The following PCDHGC4 variants were observed in gnomAD, a reference collection of about 807,000 sequenced individuals.
PCDHGC4 encodes protocadherin gamma subfamily C, 4, also known as protocadherin gamma-C4.
In PCDHGC4, 15 loss-of-function variants were observed where a neutral mutation model predicts 59.7. The observed-to-expected ratio is 0.25, with a 90% CI of 0.17 to 0.39. The LOEUF is 0.39. Among genes scored for constraint, PCDHGC4 ranks in the 10% least tolerant of loss-of-function variants. The pLI is 1.00. For synonymous variants in PCDHGC4, 434 were observed against 481.4 expected (o/e 0.90, Z 1.29); for missense variants, 1,016 against 1,189.5 (o/e 0.85, Z 2.15).
intron 1 of PCDHGC4, among the ~76,000 whole-genome samples, chr5:141,492,221 G>C (rs62379206): frequency 0.18 from 27,189 of 152,134 alleles, 2,633 homozygotes; most frequent in Admixed American, 0.28. Context: ...GGGCTCATGC[G>C]TGTCCTCCCT....
At chr5:141,500,086 A>G (rs1456179271) in intron 2 of PCDHGC4, among the ~76,000 whole-genome samples, 1 of 151,682 alleles carries the variant, frequency 6.6e-6, no homozygotes, top group Non-Finnish European at 1.5e-5. Flanking sequence ...TCCATCTTCC[A>G]TTTTTGCAAT....
Position 141,486,282 on chromosome 5 carries a change from C to G in PCDHGC4, c.1109C>G (p.Ala370Gly). Residue 370 changes from alanine to glycine, a missense_variant, in exon 1 of 4, where the codon GCA becomes GGA. By Grantham distance (60) the Ala-to-Gly change is moderately conservative (BLOSUM62 0). Transcript: ENST00000306593. This position sits in a 1 kb window ranked among gnomAD's most constrained non-coding sequence, Gnocchi z 5.0. ...PESAEPGTVV[A>G]LISVQDPDSG... ...AGTGCAGAACCTGGCACTGTGGTGG[C>G]ACTTATCAGTGTGCAGGATCCAGAC... The G allele has an allele frequency of 1.2e-6, 2 of 1,614,052 alleles. No homozygotes were observed. The highest frequency in any genetic ancestry group is 1.7e-6 in the Non-Finnish European group (2 of 1,179,992).
rs2233605 is a variant in PCDHGC4 at position 141,490,412 on chromosome 5, C to A, written c.2442+2797C>A. ...GGTGAAGTGAGCCTTGATATCTCTC[C>A]GGACCTGCCATTTCAGATTAAGCCT... On this transcript the variant is annotated intron_variant, in intron 1 of 3. Transcript: ENST00000306593. This position sits in a 1 kb window ranked among gnomAD's most constrained non-coding sequence, Gnocchi z 5.4. 1.3e-4 allele frequency: 203 copies of A among 1,614,064 alleles called. 1 individual carries two copies. The highest frequency in any genetic ancestry group is 3.5e-4 in the South Asian group (32 of 91,086).
At position 141,499,673 on chromosome 5, in the gene PCDHGC4, C is replaced by A. The variant is rs1193484216; in HGVS notation, c.2501+4808C>A. Among the ~76,000 whole-genome samples the A allele has an allele frequency of 2.7e-5, 4 of 150,550 alleles. No individual in the cohort carries two copies. In the East Asian group the frequency reaches 7.8e-4, roughly 29 times the overall value. On this transcript the variant is annotated intron_variant, in intron 2 of 3. Transcript: ENST00000306593. ...CATATAATTTCATCTTGGTCTCCACCATCTTTAACAGATGACTTTTTTTTT... is the reference window on the plus strand; with the variant it reads ...CATATAATTTCATCTTGGTCTCCACAATCTTTAACAGATGACTTTTTTTTT...
At chr5:141,498,089 A>G (rs1402239680) in intron 2 of PCDHGC4, among the ~76,000 whole-genome samples, 3 of 152,370 alleles carry the variant, frequency 2.0e-5, no homozygotes, top group South Asian at 2.1e-4. Context: ...GTAGAATTGT[A>G]TCTGGTGGTG....
intron 2 of PCDHGC4, among the ~76,000 whole-genome samples, chr5:141,503,088 C>T (rs1003234288): frequency 4.0e-5 from 6 of 151,864 alleles, no homozygotes; most frequent in Admixed American, 1.3e-4. Context: ...CTCCTGACCT[C>T]GTGGTCTGCC....
Position 141,490,008 on chromosome 5 carries a change from C to T in PCDHGC4, c.2442+2393C>T. 6.2e-7 allele frequency: 1 copy of T among 1,614,230 alleles called. No homozygotes were observed. ...GTGTGGGAATCCCAGAGAATGCACC[C>T]ATTGGTACTCTGCTGCTCCGCCTCA... On this transcript the variant is annotated intron_variant, in intron 1 of 3. Transcript: ENST00000306593. This position sits in a 1 kb window ranked among gnomAD's most constrained non-coding sequence, Gnocchi z 5.4.
Position 141,490,732 on chromosome 5 carries a change from G to A in PCDHGC4, c.2442+3117G>A, listed in dbSNP as rs775388969. 6.2e-6 allele frequency: 10 copies of A among 1,614,188 alleles called. No homozygotes were observed. The highest frequency in any genetic ancestry group is 8.5e-6 in the Non-Finnish European group (10 of 1,180,042). ...CACCTACTCCATTGTAGGAAATCAG[G>A]TTCAGGGAGCCCCAGCCTCCTCCTT... On this transcript the variant is annotated intron_variant, in intron 1 of 3. Transcript: ENST00000306593. This position sits in a 1 kb window ranked among gnomAD's most constrained non-coding sequence, Gnocchi z 5.4.
Position 141,512,836 on chromosome 5 carries a change from T to G in PCDHGC4, c.*1663T>G, listed in dbSNP as rs1024777792. On this transcript the variant is annotated 3_prime_UTR_variant, in exon 4 of 4. Transcript: ENST00000306593. ...GGCGACCCCCTCCCCCGTACTGACTTCTCCTATAAGCGCTTCTCTTCGCAT... is the reference window on the plus strand; with the variant it reads ...GGCGACCCCCTCCCCCGTACTGACTGCTCCTATAAGCGCTTCTCTTCGCAT... 2 of 152,222 alleles carry G rather than the reference T, an allele frequency of 1.3e-5. No homozygotes were observed. Among genetic ancestry groups the G allele is most frequent in the African/African-American group, 4.8e-5 (2 of 41,412 alleles). The allele number at this position is 152,222 out of a possible 1,614,324, so 9.4% of individuals were successfully genotyped here. A position where few individuals can be genotyped will look rare whatever the true frequency, so the allele number is the denominator to read the frequency against.
Position 141,512,160 on chromosome 5 carries a change from G to A in PCDHGC4, c.*987G>A, listed in dbSNP as rs1227447365. On this transcript the variant is annotated 3_prime_UTR_variant, in exon 4 of 4. Coordinates refer to ENST00000306593, the MANE Select transcript of PCDHGC4 (RefSeq NM_018928.3). ...CAGCCAGCTTTGGGCTGAGCTAACA[G>A]GACCAATGGATTAAACTGGCATTTC... 1 of 152,730 alleles carries A rather than the reference G, an allele frequency of 6.5e-6. No individual in the cohort carries two copies. Among genetic ancestry groups the A allele is most frequent in the African/African-American group, 2.4e-5 (1 of 41,456 alleles). The allele number at this position is 152,730 out of a possible 1,614,324, so 9.5% of individuals were successfully genotyped here.
Position 141,491,902 on chromosome 5 carries a change from G to C in PCDHGC4, c.2443-2905G>C. On this transcript the variant is annotated intron_variant, in intron 1 of 3. Transcript: ENST00000306593. This position sits in a 1 kb window ranked among gnomAD's most constrained non-coding sequence, Gnocchi z 6.9. ...AGGGATGGGGCTCCGAGCACCGGGG[G>C]TGGTGGCGACTGTGGGCGAGGGGAG... 7.0e-7 allele frequency: 1 copy of C among 1,429,002 alleles called. No individual in the cohort carries two copies. Among genetic ancestry groups the C allele is most frequent in the Non-Finnish European group, 9.3e-7 (1 of 1,079,426 alleles). The allele number at this position is 1,429,002 out of a possible 1,614,324, so 88.5% of individuals were successfully genotyped here. A position where few individuals can be genotyped will look rare whatever the true frequency, so the allele number is the denominator to read the frequency against.
intron 1 of PCDHGC4, among the ~76,000 whole-genome samples, chr5:141,488,497 C>CA (rs1415483796): frequency 4.6e-5 from 7 of 152,204 alleles, no homozygotes; most frequent in African/African-American, 1.7e-4. Flanking sequence ...CTGTAACACT[C>CA]ATTCCACATT....
At position 141,511,227 on chromosome 5, in the gene PCDHGC4, TCTC is replaced by T. The variant is rs2099883680; in HGVS notation, c.*57_*59del. 2 of 1,599,470 alleles carry T rather than the reference TCTC, an allele frequency of 1.3e-6. No homozygotes were observed. Among genetic ancestry groups the T allele is most frequent in the Non-Finnish European group, 1.7e-6 (2 of 1,173,054 alleles). ...CGGCCTCTCCCCAACCAGCCCAGCTTCTCCTTACCTGCACCCAGGCCTCAGAGT... is the reference window on the plus strand; with the variant it reads ...CGGCCTCTCCCCAACCAGCCCAGCTTCTTACCTGCACCCAGGCCTCAGAGT... On this transcript the variant is annotated 3_prime_UTR_variant, in exon 4 of 4. Transcript: ENST00000306593.
chr5:141,500,444 C>T (rs1032064705), intron 2 of PCDHGC4, among the ~76,000 whole-genome samples: 3 of 151,370 alleles, frequency 2.0e-5, no homozygotes, highest in African/African-American at 4.9e-5. Context: ...CTCCTGACCT[C>T]GTGATCCGCC....
chr5:141,485,745 T>C lies in PCDHGC4; in HGVS notation c.572T>C (p.Val191Ala). 3 of 1,614,146 alleles carry C rather than the reference T, an allele frequency of 1.9e-6. No individual in the cohort carries two copies. Among genetic ancestry groups the C allele is most frequent in the Non-Finnish European group, 2.5e-6 (3 of 1,179,986 alleles). ...DVKKRSDGSL[V>A]PELLLEKPLD... ...AAGAAGCGCAGCGACGGCAGCCTGGTCCCAGAGCTGCTCCTGGAGAAGCCT... is the reference window on the plus strand; with the variant it reads ...AAGAAGCGCAGCGACGGCAGCCTGGCCCCAGAGCTGCTCCTGGAGAAGCCT... The change falls in exon 1 of 4, where the codon GTC becomes GCC. Residue 191 changes from valine to alanine, a missense_variant. Physicochemically the swap from Val to Ala is moderately conservative, Grantham distance 64. Transcript: ENST00000306593. This position sits in a 1 kb window ranked among gnomAD's most constrained non-coding sequence, Gnocchi z 5.7.
Position 141,487,424 on chromosome 5 carries a change from C to T in PCDHGC4, c.2251C>T (p.Arg751Ter), listed in dbSNP as rs759893122. 5 of 1,613,982 alleles carry T rather than the reference C, an allele frequency of 3.1e-6. No individual in the cohort carries two copies. The highest frequency in any genetic ancestry group is 1.7e-5 in the Admixed American group (1 of 60,000). Residue 751 changes from arginine (R) to a stop codon, truncating the protein, a stop_gained, in exon 1 of 4, where the codon CGA becomes TGA. Transcript: ENST00000306593. LOFTEE classifies it high-confidence loss of function. The surrounding 1 kb of genome is among the most constrained non-coding windows in gnomAD (Gnocchi z 5.0). Reference protein sequence around the residue: ...EGLPPSNGILRIQLGSDDPIK... With the variant: ...EGLPPSNGIL ...GCTTCCCCCTTCCAATGGGATCCTC[C>T]GAATCCAGCTAGGGTCAGATGACCC...
At position 141,487,736 on chromosome 5, in the gene PCDHGC4, G is replaced by C; in HGVS notation, c.2442+121G>C. On this transcript the variant is annotated intron_variant, in intron 1 of 3. Transcript: ENST00000306593. The surrounding 1 kb of genome is among the most constrained non-coding windows in gnomAD (Gnocchi z 5.0). Reference sequence around the variant, plus strand: ...TGCCCATAGTGATGTCACCATTTTTGTAAGAGGTAACTATGTGGTAGACGC... The same window carrying C: ...TGCCCATAGTGATGTCACCATTTTTCTAAGAGGTAACTATGTGGTAGACGC... 1 of 1,563,758 alleles carries C rather than the reference G, an allele frequency of 6.4e-7. No homozygotes were observed.
rs767330174 is a variant in PCDHGC4, at chr5:141,491,818, C to T, written c.2443-2989C>T. The T allele has an allele frequency of 1.6e-5, 24 of 1,481,560 alleles. No homozygotes were observed. The highest frequency in any genetic ancestry group is 1.9e-5 in the Non-Finnish European group (21 of 1,116,446). 91.8% of individuals were successfully genotyped at this position (1,481,560 alleles called of 1,614,324 possible). A position where few individuals can be genotyped will look rare whatever the true frequency, so the allele number is the denominator to read the frequency against. On this transcript the variant is annotated intron_variant, in intron 1 of 3. Transcript: ENST00000306593. This position sits in a 1 kb window ranked among gnomAD's most constrained non-coding sequence, Gnocchi z 6.9. ...CTCCGGCCGGCTTGGTCGCTGGCTGCGCTCCACCCGATTCTCGGGATCATT... is the reference window on the plus strand; with the variant it reads ...CTCCGGCCGGCTTGGTCGCTGGCTGTGCTCCACCCGATTCTCGGGATCATT...
In PCDHGC4 at chr5:141,491,129, C is replaced by T; in HGVS notation, c.2442+3514C>T. On this transcript the variant is annotated intron_variant, in intron 1 of 3. Transcript: ENST00000306593. This position sits in a 1 kb window ranked among gnomAD's most constrained non-coding sequence, Gnocchi z 6.9. Reference sequence around the variant, plus strand: ...TCTACACACACTGGTGAGGTGCGCACAGCCCGGGCCTTACTGGAGGATGAC... The same window carrying T: ...TCTACACACACTGGTGAGGTGCGCATAGCCCGGGCCTTACTGGAGGATGAC... 1.2e-6 allele frequency: 2 copies of T among 1,614,172 alleles called. No individual in the cohort carries two copies. The highest frequency in any genetic ancestry group is 1.7e-6 in the Non-Finnish European group (2 of 1,180,012).
Sources: allele counts gnomAD v4.1 joint callset (sites outside exome capture counted in the v4.1 genomes callset), GRCh38; gene constraint gnomAD v4.1.1; non-coding constraint Gnocchi (gnomAD v3.1); transcripts MANE v1.5; gene names NCBI Gene and HGNC (gene_info 2026-07-23, HGNC 2026-07-21).